The following CCAR1 variants were observed in gnomAD, a reference collection of about 807,000 sequenced individuals.
CCAR1 encodes the protein cell division cycle and apoptosis regulator 1.
In CCAR1, 78 loss-of-function variants were observed where a neutral mutation model predicts 163.8. That is an observed-to-expected ratio of 0.48 (90% confidence interval 0.40 to 0.57). The LOEUF is 0.57. CCAR1 is among the 20% of genes least tolerant of loss of function. The pLI is 0.00. For synonymous variants in CCAR1, 443 were observed against 460.7 expected, an observed-to-expected ratio of 0.96 and a Z score of 0.49; for missense variants, 1,019 against 1,365.2, an observed-to-expected ratio of 0.75 and a Z score of 4.00.
chr10:68,789,245 A>G (rs1039017308), intron 23 of CCAR1, among the ~76,000 whole-genome samples: 18 of 151,904 alleles, frequency 1.2e-4, no homozygotes, highest in Admixed American at 7.9e-4. Context: ...TCTCTAATCT[A>G]TACAGTCATC....
At chr10:68,784,976 G>A (rs1564553847) in intron 19 of CCAR1, among the ~76,000 whole-genome samples, 3 of 141,584 alleles carry the variant, frequency 2.1e-5, no homozygotes, top group Admixed American at 7.3e-5. Context: ...GGAGTGCAGT[G>A]TCACAATCTC....
chr10:68,747,090 A>T, intron 6 of CCAR1, 71 bp from the exon 7 acceptor site: 1 of 772,354 alleles, frequency 1.3e-6, no homozygotes, highest in East Asian at 2.8e-5. Flanking sequence ...CTAACTATGT[A>T]AATCATTTTG....
At chr10:68,778,104 TACTC>T (rs1347560969) in intron 19 of CCAR1, among the ~76,000 whole-genome samples, 2 of 152,060 alleles carry the variant, frequency 1.3e-5, no homozygotes, top group East Asian at 1.9e-4. Flanking sequence ...TTATCCCAGA[TACTC>T]AGGAGGCTGA....
intron 10 of CCAR1, among the ~76,000 whole-genome samples, chr10:68,750,691 T>A (rs574884917): frequency 6.6e-6 from 1 of 152,224 alleles, no homozygotes; most frequent in South Asian, 2.1e-4. Flanking sequence ...GGTAATAGAT[T>A]AATAGATGGA....
chr10:68,722,603 T>C, intron 2 of CCAR1, 26 bp downstream of exon 2: 1 of 1,554,868 alleles, frequency 6.4e-7, no homozygotes, highest in South Asian at 1.1e-5. Flanking sequence ...ACATGTACTG[T>C]AATTGTTTGT....
chr10:68,723,816 T>G (rs542087323), intron 2 of CCAR1, among the ~76,000 whole-genome samples: 1 of 148,642 alleles, frequency 6.7e-6, no homozygotes, highest in South Asian at 2.1e-4. Context: ...CCACTGCACT[T>G]CAGCCTGGGT....
chr10:68,787,441 C>T (rs1057231252), intron 21 of CCAR1, among the ~76,000 whole-genome samples: 5 of 152,068 alleles, frequency 3.3e-5, no homozygotes, highest in Admixed American at 6.6e-5. Context: ...AATAAATCAT[C>T]CCTGTGCATA....
At chr10:68,753,776 A>G in intron 10 of CCAR1, 76 bp from the exon 11 acceptor site, 3 of 1,072,438 alleles carry the variant, frequency 2.8e-6, no homozygotes, top group African/African-American at 1.6e-5. Flanking sequence ...ATCCAGTTAT[A>G]TTTGCTACAG....
At chr10:68,728,404 T>A (rs1000366841) in intron 2 of CCAR1, among the ~76,000 whole-genome samples, 2 of 151,914 alleles carry the variant, frequency 1.3e-5, no homozygotes, top group African/African-American at 2.4e-5. Context: ...TGAGACAGGG[T>A]CTCACTTTGT....
rs866143930 is a variant in CCAR1 at position 68,784,053 on chromosome 10, C to T, written c.2651-2083C>T. Among the ~76,000 whole-genome samples the T allele has an allele frequency of 2.6e-5, 4 of 152,012 alleles. No individual in the cohort carries two copies. In the South Asian group the frequency reaches 6.2e-4, roughly 24 times the overall value. ...GATTACAGGCGTGAGCCACTGCGCC[C>T]GGCCAATTGTTTGCTTCTTATGGAT... is the stretch of plus-strand genomic sequence containing the variant. On this transcript the variant is annotated intron_variant, in intron 19 of 24. Transcript: ENST00000265872.
At position 68,758,983 on chromosome 10, in the gene CCAR1, A is replaced by G. The variant is rs1228087477; in HGVS notation, c.1920+1606A>G. On this transcript the variant is annotated intron_variant, in intron 15 of 24. Transcript: ENST00000265872. ...CTCCTCCCCTGGCCCGCTGTCATTCATAACATTGTTAGGTGTTTTATTCCA... is the reference window on the plus strand; with the variant it reads ...CTCCTCCCCTGGCCCGCTGTCATTCGTAACATTGTTAGGTGTTTTATTCCA... Among the ~76,000 whole-genome samples, 10 of 152,244 alleles carry G rather than the reference A, an allele frequency of 6.6e-5. No homozygotes were observed. In the East Asian group the frequency reaches 1.9e-3, roughly 29 times the overall value.
chr10:68,749,937 C>T (rs375699492), intron 10 of CCAR1, among the ~76,000 whole-genome samples: 1 of 152,084 alleles, frequency 6.6e-6, no homozygotes, highest in Non-Finnish European at 1.5e-5. Flanking sequence ...AACGTTATTC[C>T]CCTAAAGTTA....
Position 68,765,953 on chromosome 10 carries a change from T to C in CCAR1, c.2172T>C (p.Pro724=). 5.6e-6 allele frequency: 9 copies of C among 1,614,062 alleles called. No homozygotes were observed. Among genetic ancestry groups the C allele is most frequent in the South Asian group, 1.1e-5 (1 of 91,060 alleles). ...RQRRERRYIL[P]DEPAIIVHPN... ...GTCGAGAAAGAAGATATATTTTGCC[T>C]GATGAACCGGCCATCATTGTACATC... The change falls in exon 17 of 25, where the codon CCT becomes CCC. Residue 724 remains proline, a synonymous_variant. Transcript: ENST00000265872.
chr10:68,786,830 A>C, intron 21 of CCAR1, 138 bp downstream of exon 21: 5 of 658,590 alleles, frequency 7.6e-6, no homozygotes, highest in East Asian at 6.6e-5. Flanking sequence ...CACACCTATA[A>C]TCCCAGCAGG....
chr10:68,763,593 G>C (rs142003958), intron 16 of CCAR1, among the ~76,000 whole-genome samples: 2 of 151,962 alleles, frequency 1.3e-5, no homozygotes, highest in East Asian at 3.9e-4. Flanking sequence ...GATTACAGGC[G>C]CCTGCCACCA....
chr10:68,779,675 T>C (rs775539546), intron 19 of CCAR1, among the ~76,000 whole-genome samples: 6 of 152,244 alleles, frequency 3.9e-5, no homozygotes, highest in Non-Finnish European at 7.3e-5. Context: ...TACATTGTTA[T>C]ACCTTTTCTG....
intron 2 of CCAR1, among the ~76,000 whole-genome samples, chr10:68,727,501 C>T (rs917103262): frequency 2.6e-5 from 4 of 152,142 alleles, no homozygotes; most frequent in Admixed American, 1.3e-4. Flanking sequence ...TTCATTTTCT[C>T]ATTCGTCTGC....
At chr10:68,739,747 T>C (rs545038936) in intron 4 of CCAR1, among the ~76,000 whole-genome samples, 2 of 152,316 alleles carry the variant, frequency 1.3e-5, no homozygotes, top group East Asian at 3.9e-4. Context: ...ATTGCAATAC[T>C]CATTCTGCCT....
chr10:68,731,184 G>A (rs1022334391), intron 2 of CCAR1, among the ~76,000 whole-genome samples: 2 of 152,164 alleles, frequency 1.3e-5, no homozygotes, highest in East Asian at 1.9e-4. Flanking sequence ...CAAATGACAC[G>A]TGTTTAGCTA....
Sources: gnomAD v4.1 joint callset for allele counts (sites outside exome capture counted in the v4.1 genomes callset) on GRCh38, gnomAD v4.1.1 for gene constraint, MANE v1.5 for transcripts, NCBI Gene and HGNC (gene_info 2026-07-23, HGNC 2026-07-21) for gene names.